Variants in CDH4 observed in about 807,000 individuals in gnomAD.
CDH4 encodes the protein cadherin 4.
CDH4 carries 33 observed loss-of-function variants against 86.0 expected under a neutral mutation model. The ratio of observed to expected loss-of-function variants is 0.38; its 90% CI spans 0.29 to 0.51. The LOEUF (loss-of-function observed/expected upper bound fraction) is 0.51, where lower values mean the gene tolerates loss of function less well. Ranked by LOEUF, CDH4 falls within the 20% of genes least tolerant of loss-of-function variation. CDH4 has a pLI of 0.86. For synonymous variants in CDH4, 555 were observed against 549.4 expected, an observed-to-expected ratio of 1.01 and a Z score of -0.14; for missense variants, 1,114 against 1,307.4, an observed-to-expected ratio of 0.85 and a Z score of 2.28.
intron 2 of CDH4, among the ~76,000 whole-genome samples, chr20:61,629,301 A>G (rs529829896): frequency 1.3e-5 from 2 of 152,282 alleles, no homozygotes; most frequent in East Asian, 3.9e-4. Flanking sequence ...CTCTGGCCAA[A>G]AGCTTTGACT....
intron 2 of CDH4, among the ~76,000 whole-genome samples, chr20:61,696,763 C>T (rs933230195): frequency 6.6e-6 from 1 of 152,194 alleles, no homozygotes; most frequent in Admixed American, 6.5e-5. Flanking sequence ...ACATCCATGT[C>T]CTCACCCCCA....
chr20:61,846,330 C>A (rs1982453556), intron 5 of CDH4, among the ~76,000 whole-genome samples: 1 of 152,244 alleles, frequency 6.6e-6, no homozygotes, highest in African/African-American at 2.4e-5. Context: ...ACCAGAGACT[C>A]CGGCTGACGC....
intron 2 of CDH4, among the ~76,000 whole-genome samples, chr20:61,547,698 C>T (rs2086099042): frequency 6.6e-6 from 1 of 152,222 alleles, no homozygotes; most frequent in Non-Finnish European, 1.5e-5. Context: ...GCTCCTGCCC[C>T]TGCAGACAGC....
chr20:61,921,748 CAAAAAA>C (rs11468230), intron 9 of CDH4, among the ~76,000 whole-genome samples: 2,525 of 134,662 alleles, frequency 0.019, 30 homozygotes, highest in Non-Finnish European at 0.026. Context: ...AAGACTCTGT[CAAAAAA>C]AAAAAAAAAA....
chr20:61,932,910 G>A, intron 13 of CDH4, 75 bp from the exon 14 acceptor site: 1 of 1,559,592 alleles, frequency 6.4e-7, no homozygotes, highest in Non-Finnish European at 8.7e-7. Flanking sequence ...TGCCCACATA[G>A]ACACATGGCA....
intron 2 of CDH4, among the ~76,000 whole-genome samples, chr20:61,682,327 G>A (rs1260816276): frequency 1.4e-5 from 2 of 144,642 alleles, no homozygotes; most frequent in Admixed American, 6.8e-5. Flanking sequence ...GAGAGAGGGA[G>A]GGAGGGAGGA....
rs1381327277 is a variant in CDH4 at position 61,393,806 on chromosome 20, T to G, written c.169+138869T>G. On this transcript the variant is annotated intron_variant, in intron 2 of 15. Transcript: ENST00000614565. This position sits in a 1 kb window ranked among gnomAD's most constrained non-coding sequence, Gnocchi z 4.3. ...AACTCTTACACCCCAGGGCTCAGTG[T>G]GTGAGAGCTACTGCCACCTTCACCA... Among the ~76,000 whole-genome samples the G allele has an allele frequency of 6.6e-6, 1 of 151,952 alleles. No individual in the cohort carries two copies.
At chr20:61,352,875 G>T (rs1006911626) in intron 2 of CDH4, among the ~76,000 whole-genome samples, 1 of 152,116 alleles carries the variant, frequency 6.6e-6, no homozygotes, top group Non-Finnish European at 1.5e-5. Context: ...CCTGTGAGAC[G>T]CTGCGGACAA....
chr20:61,394,121 G>T (rs1476809825), intron 2 of CDH4, among the ~76,000 whole-genome samples: 3 of 152,174 alleles, frequency 2.0e-5, no homozygotes, highest in Non-Finnish European at 4.4e-5. Context: ...AGGATTTGTA[G>T]GTGATGTTGG....
intron 2 of CDH4, among the ~76,000 whole-genome samples, chr20:61,378,714 G>A (rs181905813): frequency 6.6e-6 from 1 of 152,210 alleles, no homozygotes; most frequent in Non-Finnish European, 1.5e-5. Flanking sequence ...TCTAGGGATT[G>A]ACAAGGATGT....
chr20:61,844,841 G>A lies in CDH4; in HGVS notation c.732+18G>A. The A allele has an allele frequency of 6.2e-7, 1 of 1,601,316 alleles. No individual in the cohort carries two copies. Among genetic ancestry groups the A allele is most frequent in the South Asian group, 1.1e-5 (1 of 89,748 alleles). On this transcript the variant is annotated intron_variant, in intron 5 of 15. Coordinates refer to ENST00000614565, the MANE Select transcript of CDH4 (RefSeq NM_001794.5). ...CTTACCACGTGAGTGTCCACACCCG[G>A]CTGAGAATGGGGCCCTGGGGTGGCG...
chr20:61,429,103 G>A (rs911269305), intron 2 of CDH4, among the ~76,000 whole-genome samples: 6 of 151,408 alleles, frequency 4.0e-5, no homozygotes, highest in Non-Finnish European at 5.9e-5. Context: ...TACCTATGAC[G>A]GTAAGCTTAT....
chr20:61,304,117 ATTCCT>A (rs1300436619), intron 2 of CDH4, among the ~76,000 whole-genome samples: 2 of 152,150 alleles, frequency 1.3e-5, no homozygotes, highest in African/African-American at 4.8e-5. Flanking sequence ...AAGGCCAGGC[ATTCCT>A]TTCCTCAGCT....
intron 2 of CDH4, among the ~76,000 whole-genome samples, chr20:61,622,498 C>T (rs1453740352): frequency 6.6e-6 from 1 of 152,272 alleles, no homozygotes; most frequent in Non-Finnish European, 1.5e-5. Flanking sequence ...GAGGACCAGA[C>T]ACTTGTGGCC....
chr20:61,394,071 T>C (rs1358423133), intron 2 of CDH4, among the ~76,000 whole-genome samples: 1 of 152,220 alleles, frequency 6.6e-6, no homozygotes, highest in Non-Finnish European at 1.5e-5. Context: ...CTGTGTGTTT[T>C]GAAATGTGAG....
At chr20:61,475,923 A>G (rs1338871077) in intron 2 of CDH4, among the ~76,000 whole-genome samples, 1 of 152,022 alleles carries the variant, frequency 6.6e-6, no homozygotes, top group Admixed American at 6.5e-5. Flanking sequence ...TGTTGCAGCC[A>G]AAGGCAGAAT....
intron 2 of CDH4, among the ~76,000 whole-genome samples, chr20:61,535,413 T>C (rs62201808): frequency 0.15 from 22,462 of 150,528 alleles, 2,003 homozygotes; most frequent in East Asian, 0.45. Context: ...GCCTGGCTCT[T>C]GGAAAACCCA....
intron 2 of CDH4, among the ~76,000 whole-genome samples, chr20:61,499,970 C>T (rs760824941): frequency 2.3e-4 from 35 of 152,154 alleles, no homozygotes; most frequent in Non-Finnish European, 4.1e-4. Flanking sequence ...ACGGGCGCAG[C>T]TTACATGTCC....
At chr20:61,286,928 G>A (rs2084296255) in intron 2 of CDH4, among the ~76,000 whole-genome samples, 2 of 152,164 alleles carry the variant, frequency 1.3e-5, no homozygotes, top group African/African-American at 2.4e-5. Context: ...CAGAGAAGCC[G>A]ATTGTCTTAA....
Sources: gnomAD v4.1 joint callset for allele counts (sites outside exome capture counted in the v4.1 genomes callset) on GRCh38, gnomAD v4.1.1 for gene constraint, Gnocchi (gnomAD v3.1) non-coding constraint, MANE v1.5 for transcripts, NCBI Gene and HGNC (gene_info 2026-07-23, HGNC 2026-07-21) for gene names.